Variants in ZNF143 observed in about 807,000 individuals in gnomAD.
ZNF143 encodes the protein zinc finger protein 143.
In ZNF143, 49 loss-of-function variants were observed where a neutral mutation model predicts 74.1. That is an observed-to-expected ratio of 0.66 (90% CI 0.53 to 0.84). The LOEUF (loss-of-function observed/expected upper bound fraction) is 0.84, where lower values mean the gene tolerates loss of function less well. Among genes scored for constraint, ZNF143 ranks in the 40% least tolerant of loss-of-function variants. ZNF143 has a pLI of 0.00. For missense variants in ZNF143, 637 were observed against 793.4 expected, an observed-to-expected ratio of 0.80 and a Z score of 2.37; for synonymous variants, 304 against 282.8, an observed-to-expected ratio of 1.07 and a Z score of -0.75.
chr11:9,478,704 C>A, intron 6 of ZNF143, 118 bp downstream of exon 6: 1 of 1,240,398 alleles, frequency 8.1e-7, no homozygotes. Flanking sequence ...TTTGGCTGGG[C>A]ATGGCGTGAT....
chr11:9,480,842 G>A (rs1006547800), intron 7 of ZNF143, among the ~76,000 whole-genome samples: 8 of 150,956 alleles, frequency 5.3e-5, no homozygotes, highest in South Asian at 2.1e-4. Context: ...AGCCAAGATC[G>A]CGCTGTTGCA....
At chr11:9,477,644 A>G (rs1857018485) in intron 5 of ZNF143, among the ~76,000 whole-genome samples, 1 of 152,196 alleles carries the variant, frequency 6.6e-6, no homozygotes, top group Non-Finnish European at 1.5e-5. Context: ...ATATATCGAT[A>G]TAAAATCACT....
chr11:9,528,363 GT>G lies in ZNF143; in HGVS notation c.*751del. The G allele has an allele frequency of 6.6e-6, 1 of 152,176 alleles. No individual in the cohort carries two copies. Among genetic ancestry groups the G allele is most frequent in the Middle Eastern group, 3.4e-3 (1 of 294 alleles). 9.4% of individuals were successfully genotyped at this position (152,176 alleles called of 1,614,324 possible). The stretch of plus-strand genomic sequence containing the variant: ...ATCATCAAAGTTTAACCACAGGCTG[GT>G]GCCCGGGATAACAGTACTGTAATTG... On this transcript the variant is annotated 3_prime_UTR_variant, in exon 16 of 16. Coordinates refer to ENST00000396602, the MANE Select transcript of ZNF143 (RefSeq NM_003442.6).
intron 2 of ZNF143, among the ~76,000 whole-genome samples, chr11:9,472,332 A>G (rs1046038586): frequency 6.6e-6 from 1 of 151,998 alleles, no homozygotes; most frequent in Non-Finnish European, 1.5e-5. Flanking sequence ...GGCTCACTGC[A>G]ACCTCTGCCT....
chr11:9,508,794 C>T lies in ZNF143; in HGVS notation c.1323C>T (p.Asn441=), dbSNP rs763342720. Residue 441 remains asparagine (N), a synonymous_variant, in exon 12 of 16, where the codon AAC becomes AAT. Coordinates refer to ENST00000396602, the MANE Select transcript of ZNF143 (RefSeq NM_003442.6). The stretch of plus-strand genomic sequence containing the variant: ...CCATGCACAAACGGACAGCCCACAA[C>T]GACACTGAGCCCATCGAGGAGGAGC... The part of the protein sequence containing the change: ...TLAMHKRTAH[N]DTEPIEEEQE... 34 of 1,609,348 alleles carry T rather than the reference C, an allele frequency of 2.1e-5. No individual in the cohort carries two copies. In the South Asian group the frequency reaches 2.4e-4, roughly 12 times the overall value.
chr11:9,486,983 T>TG (rs1223213845), intron 7 of ZNF143, among the ~76,000 whole-genome samples: 87 of 141,542 alleles, frequency 6.1e-4, no homozygotes, highest in Non-Finnish European at 1.1e-3. Context: ...TTTTTTTTTT[T>TG]GAGACGGAGT....
chr11:9,475,547 G>T (rs769940208), intron 5 of ZNF143, among the ~76,000 whole-genome samples: 5 of 152,194 alleles, frequency 3.3e-5, no homozygotes, highest in African/African-American at 4.8e-5. Context: ...TCCCAAAGCA[G>T]TGGGGTCACA....
chr11:9,471,468 TAAAA>T (rs1856562885), intron 2 of ZNF143, 48 bp downstream of exon 2: 1 of 1,395,700 alleles, frequency 7.2e-7, no homozygotes, highest in African/African-American at 1.5e-5. Context: ...TCATTTATCT[TAAAA>T]GAAAAAAAAT....
chr11:9,510,702 G>C (rs191422050), intron 12 of ZNF143, among the ~76,000 whole-genome samples: 39 of 152,178 alleles, frequency 2.6e-4, no homozygotes, highest in Non-Finnish European at 3.2e-4. Context: ...AGTACTCTTA[G>C]ATTAGCATAT....
At chr11:9,517,932 A>G (rs1307137074) in intron 14 of ZNF143, among the ~76,000 whole-genome samples, 2 of 152,226 alleles carry the variant, frequency 1.3e-5, no homozygotes, top group African/African-American at 4.8e-5. Context: ...TGTTAAGAAA[A>G]AGATCAGACA....
rs1198281512 is a variant in ZNF143, at chr11:9,526,970, A to G, written c.1834-560A>G. Among the ~76,000 whole-genome samples, 98 of 151,498 alleles carry G rather than the reference A, an allele frequency of 6.5e-4. 1 individual carries two copies. The highest frequency in any genetic ancestry group is 6.4e-3 in the Admixed American group (98 of 15,204). On this transcript the variant is annotated intron_variant, in intron 15 of 15. Transcript: ENST00000396602. Reference sequence around the variant, plus strand: ...CTCCCCAGTAGCTGGGACTACAGGCACCCATCACCACGCCCAGCAATTTTT... The same window carrying G: ...CTCCCCAGTAGCTGGGACTACAGGCGCCCATCACCACGCCCAGCAATTTTT...
intron 14 of ZNF143, 76 bp downstream of exon 14, chr11:9,516,438 AC>A: frequency 7.4e-7 from 1 of 1,347,784 alleles, no homozygotes; most frequent in Non-Finnish European, 1.0e-6. Context: ...GCAATGTGGT[AC>A]AACAGTTAAG....
intron 8 of ZNF143, among the ~76,000 whole-genome samples, chr11:9,495,145 T>C (rs546289568): frequency 2.0e-5 from 3 of 152,352 alleles, no homozygotes; most frequent in African/African-American, 7.2e-5. Flanking sequence ...AATTTGGCTT[T>C]TAAATATTTG....
chr11:9,465,787 T>C (rs1856172545), intron 1 of ZNF143, among the ~76,000 whole-genome samples: 1 of 151,850 alleles, frequency 6.6e-6, no homozygotes, highest in Non-Finnish European at 1.5e-5. Flanking sequence ...TACAATATTG[T>C]ATGCAAGGAA....
intron 5 of ZNF143, among the ~76,000 whole-genome samples, chr11:9,477,136 T>TTCCTTCCC: frequency 7.1e-6 from 1 of 140,590 alleles, no homozygotes; most frequent in Non-Finnish European, 1.6e-5. Flanking sequence ...CCTTCCTTCC[T>TTCCTTCCC]TCCTTCCTTC....
intron 1 of ZNF143, among the ~76,000 whole-genome samples, chr11:9,464,660 G>A (rs1856088046): frequency 6.6e-6 from 1 of 151,870 alleles, no homozygotes; most frequent in Non-Finnish European, 1.5e-5. Flanking sequence ...TAATGCTCAC[G>A]CCTGTAATCC....
chr11:9,494,574 G>A (rs753726733), intron 7 of ZNF143, 72 bp from the exon 8 acceptor site: 2 of 1,497,078 alleles, frequency 1.3e-6, no homozygotes, highest in Non-Finnish European at 1.8e-6. Context: ...GCCTCCCCAT[G>A]TGCTAAGATT....
chr11:9,461,910 TG>T (rs1855883055), intron 1 of ZNF143: 1 of 152,252 alleles, frequency 6.6e-6, no homozygotes, highest in Non-Finnish European at 1.5e-5. Flanking sequence ...GCCTTTGCTT[TG>T]GAAGTGTCTA....
In ZNF143 at chr11:9,473,840, C is replaced by A. The variant is rs544497836; in HGVS notation, c.206-101C>A. ...AGGGAAGAATCAAGATGAACACGAG[C>A]TTAAGTTGTGTATGTTTTTATAGTT... On this transcript the variant is annotated intron_variant, in intron 3 of 15. Coordinates refer to ENST00000396602, the MANE Select transcript of ZNF143 (RefSeq NM_003442.6). 1.9e-6 allele frequency: 3 copies of A among 1,605,718 alleles called. No homozygotes were observed. In the South Asian group the frequency reaches 3.3e-5, roughly 18 times the overall value.
Sources: allele counts gnomAD v4.1 joint callset (sites outside exome capture counted in the v4.1 genomes callset), GRCh38; gene constraint gnomAD v4.1.1; transcripts MANE v1.5; gene names NCBI Gene and HGNC (gene_info 2026-07-23, HGNC 2026-07-21).